MYH8: variants seen among roughly 807,000 people sequenced by gnomAD.
MYH8 encodes myosin-8.
A neutral mutation model predicts 233.2 loss-of-function variants in MYH8; 168 were observed. The observed-to-expected ratio is 0.72, with a 90% CI of 0.64 to 0.82. MYH8 has a LOEUF of 0.82. Among genes scored for constraint, MYH8 ranks in the 40% least tolerant of loss-of-function variants. The pLI is 0.00. For synonymous variants in MYH8, 785 were observed against 850.6 expected, an observed-to-expected ratio of 0.92 and a Z score of 1.34; for missense variants, 1,995 against 2,327.8, an observed-to-expected ratio of 0.86 and a Z score of 2.94.
chr17:10,409,070 A>T (rs752442828), intron 17 of MYH8, 27 bp downstream of exon 17: 1 of 1,596,380 alleles, frequency 6.3e-7, no homozygotes. Context: ...AACTGAGTAG[A>T]TATTTCAAAT....
At chr17:10,420,338 G>T in intron 2 of MYH8, 81 bp from the exon 3 acceptor site, 1 of 1,244,540 alleles carries the variant, frequency 8.0e-7, no homozygotes, top group Non-Finnish European at 1.1e-6. Flanking sequence ...TGAAAGAAAT[G>T]TTGAACATAG....
At position 10,400,363 on chromosome 17, in the gene MYH8, C is replaced by T. The variant is rs143837991; in HGVS notation, c.3735+27G>A. On this transcript the variant is annotated intron_variant, in intron 27 of 39. Coordinates refer to ENST00000403437, the MANE Select transcript of MYH8 (RefSeq NM_002472.3). The surrounding 1 kb of genome is among the most constrained non-coding windows in gnomAD (Gnocchi z 4.0). ...TAATGGGTGTTCTTACAGATGATTA[C>T]CTTCATTTAGAGACAGTATTGGGTA... 20 of 1,608,986 alleles carry T rather than the reference C, an allele frequency of 1.2e-5. No individual in the cohort carries two copies. In the East Asian group the frequency reaches 4.2e-4, roughly 34 times the overall value.
In MYH8 at chr17:10,394,413, C is replaced by T. The variant is rs1201857798; in HGVS notation, c.5002G>A (p.Glu1668Lys). ...ATTGCCAGCTGTTCCTTGAGGTCCT[C>T]CTGGCCCCGGAGAGCATCATCCAGG... ...LHLDDALRGQ[E>K]DLKEQLAIVE... is the part of the protein sequence containing the mutation. Residue 1668 changes from glutamate (E) to lysine (K), a missense_variant, in exon 35 of 40, where the codon GAG becomes AAG. Physicochemically the swap from Glu to Lys is moderately conservative, Grantham distance 56. Coordinates refer to ENST00000403437, the MANE Select transcript of MYH8 (RefSeq NM_002472.3). 1 of 1,614,174 alleles carries T rather than the reference C, an allele frequency of 6.2e-7. No homozygotes were observed. The highest frequency in any genetic ancestry group is 1.1e-5 in the South Asian group (1 of 91,082).
In MYH8 at chr17:10,417,012, G is replaced by A. The variant is rs192783865; in HGVS notation, c.512-1304C>T. Among the ~76,000 whole-genome samples the A allele has an allele frequency of 1.4e-3, 206 of 152,252 alleles. 1 individual carries two copies. Among genetic ancestry groups the A allele is most frequent in the African/African-American group, 4.7e-3 (196 of 41,550 alleles). ...AATATTAAGTACATAGCTAGTTAAG[G>A]TCAAATATATCCTCCTGGCCTCTTC... On this transcript the variant is annotated intron_variant, in intron 5 of 39. Transcript: ENST00000403437. The surrounding 1 kb of genome is among the most constrained non-coding windows in gnomAD (Gnocchi z 4.1).
In MYH8 at chr17:10,413,898, G is replaced by T. The variant is rs756405914; in HGVS notation, c.1147+4C>A. The T allele has an allele frequency of 3.1e-6, 5 of 1,613,750 alleles. No individual in the cohort carries two copies. The highest frequency in any genetic ancestry group is 3.3e-5 in the Admixed American group (2 of 59,970). On this transcript the variant is annotated splice_donor_region_variant and intron_variant, in intron 12 of 39. Coordinates refer to ENST00000403437, the MANE Select transcript of MYH8 (RefSeq NM_002472.3). Reference sequence around the variant, plus strand: ...TTAAACCCAGATAAAGTTTCATTTGGTACCTTCTGTGCCATCTGGCTCAGC... The same window carrying T: ...TTAAACCCAGATAAAGTTTCATTTGTTACCTTCTGTGCCATCTGGCTCAGC...
chr17:10,400,270 T>C lies in MYH8; in HGVS notation c.3735+120A>G. The stretch of plus-strand genomic sequence containing the variant: ...TTTTAAAAAATACCATAGAATGGGA[T>C]ATATTTGGTTAGAAAATATTTGAGT... On this transcript the variant is annotated intron_variant, in intron 27 of 39. Coordinates refer to ENST00000403437, the MANE Select transcript of MYH8 (RefSeq NM_002472.3). This position sits in a 1 kb window ranked among gnomAD's most constrained non-coding sequence, Gnocchi z 4.0. 7.8e-7 allele frequency: 1 copy of C among 1,274,406 alleles called. No individual in the cohort carries two copies. Among genetic ancestry groups the C allele is most frequent in the Non-Finnish European group, 1.1e-6 (1 of 884,590 alleles). 78.9% of individuals were successfully genotyped at this position (1,274,406 alleles called of 1,614,324 possible).
At chr17:10,390,702 A>G (rs1942766985) in intron 39 of MYH8, 99 bp from the exon 40 acceptor site, 5 of 1,375,852 alleles carry the variant, frequency 3.6e-6, no homozygotes, top group Non-Finnish European at 5.2e-6. Flanking sequence ...TTTCCTTCTT[A>G]TGGTCTATTT....
chr17:10,418,389 C>G (rs1308561060), intron 5 of MYH8, among the ~76,000 whole-genome samples: 1 of 152,184 alleles, frequency 6.6e-6, no homozygotes, highest in Non-Finnish European at 1.5e-5. Context: ...ATTGTTTCAG[C>G]TAGGCTTCCA....
At chr17:10,407,633 G>C (rs1427081968) in intron 17 of MYH8, among the ~76,000 whole-genome samples, 1 of 152,066 alleles carries the variant, frequency 6.6e-6, no homozygotes, top group Non-Finnish European at 1.5e-5. Context: ...GAGGTCAGGA[G>C]TTCGAGACCA....
intron 30 of MYH8, 118 bp downstream of exon 30, chr17:10,398,326 T>TAA (rs1365225098): frequency 2.1e-6 from 3 of 1,425,518 alleles, no homozygotes; most frequent in South Asian, 1.2e-5. Flanking sequence ...TATATATATA[T>TAA]AATACTTGAC....
chr17:10,393,154 T>C lies in MYH8; in HGVS notation c.5223A>G (p.Gln1741=), dbSNP rs748026075. 2.2e-5 allele frequency: 36 copies of C among 1,614,140 alleles called. No homozygotes were observed. Among genetic ancestry groups the C allele is most frequent in the Admixed American group, 3.3e-5 (2 of 60,012 alleles). The change falls in exon 36 of 40, where the codon CAA becomes CAG. Residue 1741 remains glutamine, a synonymous_variant. Transcript: ENST00000403437. ...KKLENDVSQL[Q]SEVEEVIQES... is the part of the protein sequence containing the mutation. ...CTTGGATTACTTCTTCCACTTCACT[T>C]TGGAGTTGGGAAACGTCATTTTCTA...
At chr17:10,413,763 G>A in intron 12 of MYH8, 139 bp downstream of exon 12, 5 of 1,249,780 alleles carry the variant, frequency 4.0e-6, no homozygotes, top group Non-Finnish European at 5.8e-6. Flanking sequence ...AGGGGGTGAG[G>A]AAAGCATGCA....
In MYH8 at chr17:10,401,288, T is replaced by A; in HGVS notation, c.3095A>T (p.Gln1032Leu). Residue 1032 changes from glutamine (Q) to leucine (L), a missense_variant, in exon 24 of 40, where the codon CAG becomes CTG. By Grantham distance (113) the Gln-to-Leu change is moderately radical. Transcript: ENST00000403437. ...ILTKAKTKLE[Q>L]QVDDLEGSLE... Reference sequence around the variant, plus strand: ...AAATGTGCTTACATCATCCACTTGCTGTTCTAGCTTGGTTTTAGCTTTGGT... The same window carrying A: ...AAATGTGCTTACATCATCCACTTGCAGTTCTAGCTTGGTTTTAGCTTTGGT... 6.2e-7 allele frequency: 1 copy of A among 1,614,240 alleles called. No homozygotes were observed. Among genetic ancestry groups the A allele is most frequent in the South Asian group, 1.1e-5 (1 of 91,088 alleles).
In MYH8 at chr17:10,409,414, T is replaced by C; in HGVS notation, c.1762A>G (p.Thr588Ala). Reference sequence around the variant, plus strand: ...CAGCCAGTAATGTTGTAGTCCACAGTGCCAGCATAGTGAATCAGAGAGAAG... The same window carrying C: ...CAGCCAGTAATGTTGTAGTCCACAGCGCCAGCATAGTGAATCAGAGAGAAG... Reference protein sequence around the residue: ...AHFSLIHYAGTVDYNITGWLD... With the variant: ...AHFSLIHYAGAVDYNITGWLD... Residue 588 changes from threonine (T) to alanine (A), a missense_variant, in exon 16 of 40, where the codon ACT becomes GCT. Transcript: ENST00000403437. 6.2e-7 allele frequency: 1 copy of C among 1,614,222 alleles called. No homozygotes were observed. Among genetic ancestry groups the C allele is most frequent in the Non-Finnish European group, 8.5e-7 (1 of 1,180,038 alleles).
Position 10,396,238 on chromosome 17 carries a change from G to T in MYH8, c.4653+92C>A. On this transcript the variant is annotated intron_variant, in intron 33 of 39. Transcript: ENST00000403437. The surrounding 1 kb of genome is among the most constrained non-coding windows in gnomAD (Gnocchi z 4.2). ...CTATTGCCAAGTTGTCCTTCATAAAGATCCTGTGAGTTTAAATTATCACTA... is the reference window on the plus strand; with the variant it reads ...CTATTGCCAAGTTGTCCTTCATAAATATCCTGTGAGTTTAAATTATCACTA... 6.8e-7 allele frequency: 1 copy of T among 1,460,458 alleles called. No homozygotes were observed. 90.5% of individuals were successfully genotyped at this position (1,460,458 alleles called of 1,614,324 possible).
Position 10,400,592 on chromosome 17 carries a change from C to T in MYH8, c.3533G>A (p.Arg1178His), listed in dbSNP as rs1321385050. The T allele has an allele frequency of 1.9e-6, 3 of 1,614,216 alleles. No homozygotes were observed. The highest frequency in any genetic ancestry group is 1.6e-4 in the Middle Eastern group (1 of 6,062). The change falls in exon 27 of 40, where the codon CGC becomes CAC. Residue 1178 changes from arginine to histidine, a missense_variant. Coordinates refer to ENST00000403437, the MANE Select transcript of MYH8 (RefSeq NM_002472.3). This position sits in a 1 kb window ranked among gnomAD's most constrained non-coding sequence, Gnocchi z 4.0. Reference protein sequence around the residue: ...KKREAEFQKLRRDLEEATLQH... With the variant: ...KKREAEFQKLHRDLEEATLQH... ...CAGGGTGGCCTCCTCCAGGTCCCTG[C>T]GCAGTTTCTGAAACTCAGCCTCCCG...
chr17:10,403,199 C>T (rs555793836), intron 22 of MYH8, among the ~76,000 whole-genome samples: 41 of 152,272 alleles, frequency 2.7e-4, no homozygotes, highest in African/African-American at 9.1e-4. Context: ...CTTGTCCATT[C>T]CATTTGTGGC....
In MYH8 at chr17:10,409,123, A is replaced by G; in HGVS notation, c.1939T>C (p.Phe647Leu). Residue 647 changes from phenylalanine to leucine, a missense_variant, in exon 17 of 40, where the codon TTC becomes CTC. This residue lies in a region of MYH8 where 1,498 missense variants were observed against 1,680.9 expected (regional missense o/e 0.89). Coordinates refer to ENST00000403437, the MANE Select transcript of MYH8 (RefSeq NM_002472.3). ...KKGAKKKGSS[F>L]QTVSALFREN... Reference sequence around the variant, plus strand: ...CTGAAAAGGGCAGACACAGTCTGGAAAGAAGAGCCCTTTTTCTTAGCACCT... The same window carrying G: ...CTGAAAAGGGCAGACACAGTCTGGAGAGAAGAGCCCTTTTTCTTAGCACCT... The G allele has an allele frequency of 1.2e-6, 2 of 1,614,186 alleles. No homozygotes were observed. The highest frequency in any genetic ancestry group is 1.7e-6 in the Non-Finnish European group (2 of 1,180,018).
Position 10,392,635 on chromosome 17 carries a change from A to G in MYH8, c.5475T>C (p.Leu1825=), listed in dbSNP as rs2072037178. 6.2e-7 allele frequency: 1 copy of G among 1,614,082 alleles called. No individual in the cohort carries two copies. The highest frequency in any genetic ancestry group is 8.5e-7 in the Non-Finnish European group (1 of 1,180,016). The part of the protein sequence containing the change: ...IQKLEARVRE[L]EGEVENEQKR... ...TCTGTTCATTTTCAACCTCTCCTTC[A>G]AGCTCACGTACCTGCAGCCAAGAAA... The change falls in exon 38 of 40, where the codon CTT becomes CTC. Residue 1825 remains leucine, a synonymous_variant. Coordinates refer to ENST00000403437, the MANE Select transcript of MYH8 (RefSeq NM_002472.3).
Sources: gnomAD v4.1 joint callset for allele counts (sites outside exome capture counted in the v4.1 genomes callset) on GRCh38, gnomAD v4.1.1 for gene constraint, gnomAD v4.1.1 regional missense constraint, Gnocchi (gnomAD v3.1) non-coding constraint, MANE v1.5 for transcripts, NCBI Gene and HGNC (gene_info 2026-07-23, HGNC 2026-07-21) for gene names.